The following TBC1D22A variants were observed in gnomAD, a reference collection of about 807,000 sequenced individuals.
TBC1D22A encodes the protein TBC1 domain family member 22A, also known as putative GTPase activator.
In TBC1D22A, 38 loss-of-function variants were observed where a neutral mutation model predicts 60.2. That is an observed-to-expected ratio of 0.63 (90% CI 0.49 to 0.83). The LOEUF (loss-of-function observed/expected upper bound fraction) is 0.83, where lower values mean the gene tolerates loss of function less well. Among genes scored for constraint, TBC1D22A ranks in the 40% least tolerant of loss-of-function variants. The pLI is 0.00. For synonymous variants in TBC1D22A, 302 were observed against 281.7 expected (o/e 1.07, Z -0.72); for missense variants, 628 against 701.0 (o/e 0.90, Z 1.18).
chr22:47,113,433 G>A (rs1044520195), intron 12 of TBC1D22A, among the ~76,000 whole-genome samples: 1 of 152,114 alleles, frequency 6.6e-6, no homozygotes, highest in African/African-American at 2.4e-5. Context: ...GGTGGGGTGG[G>A]AGAGGACTCG....
intron 8 of TBC1D22A, among the ~76,000 whole-genome samples, chr22:46,948,699 C>T (rs1279792677): frequency 6.6e-6 from 1 of 152,218 alleles, no homozygotes; most frequent in Non-Finnish European, 1.5e-5. Flanking sequence ...GCTGCAATTT[C>T]TCAAGAAGAA....
rs1347415427 is a variant in TBC1D22A, at chr22:47,134,001, C to T, written c.1425+22398C>T. ...TTCTCGTGGGCCTGGAGCAGGTCCC[C>T]TGTGTCCACTCCAGTTATTCCAGAA... is the stretch of plus-strand genomic sequence containing the variant. On this transcript the variant is annotated intron_variant, in intron 12 of 12. Coordinates refer to ENST00000337137, the MANE Select transcript of TBC1D22A (RefSeq NM_014346.5). Among the ~76,000 whole-genome samples, 41 of 152,192 alleles carry T rather than the reference C, an allele frequency of 2.7e-4. 1 individual carries two copies. Among genetic ancestry groups the T allele is most frequent in the Admixed American group, 2.7e-3 (41 of 15,282 alleles).
chr22:47,011,337 C>G, intron 10 of TBC1D22A, among the ~76,000 whole-genome samples: 1 of 152,206 alleles, frequency 6.6e-6, no homozygotes, highest in South Asian at 2.1e-4. Flanking sequence ...CCCGCGCTTC[C>G]TCCTGGGACT....
At chr22:46,848,063 T>C (rs944483153) in intron 4 of TBC1D22A, among the ~76,000 whole-genome samples, 5 of 150,832 alleles carry the variant, frequency 3.3e-5, no homozygotes, top group Admixed American at 3.3e-4. Flanking sequence ...AAGGGAGGGG[T>C]TGGGAAACTA....
intron 1 of TBC1D22A, among the ~76,000 whole-genome samples, chr22:46,790,691 C>G (rs559406635): frequency 1.3e-5 from 2 of 152,254 alleles, no homozygotes; most frequent in African/African-American, 4.8e-5. Context: ...TGAAGAGGCA[C>G]ATAGCCGACA....
intron 4 of TBC1D22A, among the ~76,000 whole-genome samples, chr22:46,866,493 G>A (rs2097360): frequency 6.6e-6 from 1 of 152,178 alleles, no homozygotes; most frequent in Non-Finnish European, 1.5e-5. Context: ...CTGTCAAGCG[G>A]CAAGCAAAGC....
At chr22:46,765,931 C>T (rs929341071) in intron 1 of TBC1D22A, among the ~76,000 whole-genome samples, 2 of 149,686 alleles carry the variant, frequency 1.3e-5, no homozygotes, top group African/African-American at 5.0e-5. Flanking sequence ...GGATTATAGG[C>T]ACTGGCCACC....
At chr22:46,841,001 G>T (rs2086733234) in intron 4 of TBC1D22A, among the ~76,000 whole-genome samples, 1 of 151,392 alleles carries the variant, frequency 6.6e-6, no homozygotes, top group African/African-American at 2.4e-5. Context: ...CCAAGACATG[G>T]AAACAACCCA....
chr22:47,109,053 A>G (rs983269925), intron 11 of TBC1D22A, among the ~76,000 whole-genome samples: 22 of 152,220 alleles, frequency 1.4e-4, no homozygotes, highest in Non-Finnish European at 1.5e-5. Flanking sequence ...TTTAAGATAC[A>G]TTACCGAACA....
chr22:47,106,201 C>CA (rs2065627439), intron 11 of TBC1D22A, among the ~76,000 whole-genome samples: 1 of 152,120 alleles, frequency 6.6e-6, no homozygotes, highest in South Asian at 2.1e-4. Context: ...GAAAAGACCC[C>CA]AACTCTATAT....
At chr22:47,010,880 T>C (rs1280557187) in intron 10 of TBC1D22A, among the ~76,000 whole-genome samples, 2 of 152,166 alleles carry the variant, frequency 1.3e-5, no homozygotes, top group Non-Finnish European at 2.9e-5. Context: ...CCAAAAATAA[T>C]ATATTAGGAA....
At position 47,084,668 on chromosome 22, in the gene TBC1D22A, A is replaced by G. The variant is rs116835848; in HGVS notation, c.1330-26840A>G. 4.0e-3 allele frequency among the ~76,000 whole-genome samples: 604 copies of G among 152,314 alleles called. 7 individuals are homozygous for G. Among genetic ancestry groups the G allele is most frequent in the African/African-American group, 0.013 (528 of 41,576 alleles). ...ATAAACTGTGGAGTATTGTTGGGGAAATGAAAATTAATAATAGTCTGCAGC... is the reference window on the plus strand; with the variant it reads ...ATAAACTGTGGAGTATTGTTGGGGAGATGAAAATTAATAATAGTCTGCAGC... On this transcript the variant is annotated intron_variant, in intron 11 of 12. Transcript: ENST00000337137.
At chr22:46,942,354 C>A (rs999422492) in intron 8 of TBC1D22A, among the ~76,000 whole-genome samples, 3 of 152,178 alleles carry the variant, frequency 2.0e-5, no homozygotes, top group East Asian at 1.9e-4. Flanking sequence ...TTAATGACTT[C>A]ACAAGGCCCC....
chr22:47,167,619 G>A (rs918541253), intron 12 of TBC1D22A, among the ~76,000 whole-genome samples: 3 of 152,188 alleles, frequency 2.0e-5, no homozygotes, highest in Non-Finnish European at 2.9e-5. Context: ...TTTTACTGAG[G>A]AACAGAAAGA....
intron 11 of TBC1D22A, among the ~76,000 whole-genome samples, chr22:47,086,703 G>A (rs953207785): frequency 2.6e-5 from 4 of 152,064 alleles, no homozygotes; most frequent in Non-Finnish European, 5.9e-5. Context: ...GACTTTCCTC[G>A]TACGGTGAGA....
chr22:47,089,330 C>T (rs779283749), intron 11 of TBC1D22A, among the ~76,000 whole-genome samples: 5 of 152,246 alleles, frequency 3.3e-5, no homozygotes, highest in Non-Finnish European at 7.3e-5. Context: ...AATAACCTAG[C>T]AGCATGCAGG....
At chr22:47,113,547 C>G (rs567353739) in intron 12 of TBC1D22A, among the ~76,000 whole-genome samples, 1 of 152,332 alleles carries the variant, frequency 6.6e-6, no homozygotes, top group Admixed American at 6.5e-5. Flanking sequence ...TGGGCAGACT[C>G]TAAGCCACAC....
chr22:47,019,941 G>A (rs2010512), intron 10 of TBC1D22A, among the ~76,000 whole-genome samples: 5,488 of 103,706 alleles, frequency 0.053, 323 homozygotes, highest in African/African-American at 0.19. Flanking sequence ...CCTCCATCAT[G>A]CCCTCTCCCT....
chr22:46,879,572 C>T (rs2067746709), intron 5 of TBC1D22A, among the ~76,000 whole-genome samples: 1 of 152,206 alleles, frequency 6.6e-6, no homozygotes, highest in Non-Finnish European at 1.5e-5. Flanking sequence ...GCAGACGCAG[C>T]TCTGAACAGC....
Sources: gnomAD v4.1 joint callset for allele counts (sites outside exome capture counted in the v4.1 genomes callset) on GRCh38, gnomAD v4.1.1 for gene constraint, MANE v1.5 for transcripts, NCBI Gene and HGNC (gene_info 2026-07-23, HGNC 2026-07-21) for gene names.